The following STARD13 variants were observed in gnomAD, a reference collection of about 807,000 sequenced individuals.
STARD13 encodes stAR-related lipid transfer protein 13.
Under a neutral mutation model 106.4 loss-of-function variants are expected in STARD13, and 62 were observed. That is an observed-to-expected ratio of 0.58 (90% CI 0.48 to 0.72). The LOEUF is 0.72. Among genes scored for constraint, STARD13 ranks in the 30% least tolerant of loss-of-function variants. The pLI is 0.00. For synonymous variants in STARD13, 565 were observed against 553.0 expected (o/e 1.02, Z -0.31); for missense variants, 1,387 against 1,424.0 (o/e 0.97, Z 0.42).
At chr13:33,380,033 A>G in the STARD13 span, among the ~76,000 whole-genome samples, 1 of 152,204 alleles carries the variant, frequency 6.6e-6, no homozygotes, top group Non-Finnish European at 1.5e-5. Flanking sequence ...AAATGCATGC[A>G]AGACAGAGAA....
chr13:33,580,862 A>G, the STARD13 span, among the ~76,000 whole-genome samples: 1 of 152,160 alleles, frequency 6.6e-6, no homozygotes, highest in East Asian at 1.9e-4. Context: ...TATCTCTCCC[A>G]GGAAAATACA....
chr13:33,252,219 C>T (rs1890125663), intron 1 of STARD13, among the ~76,000 whole-genome samples: 1 of 152,196 alleles, frequency 6.6e-6, no homozygotes, highest in Non-Finnish European at 1.5e-5. Flanking sequence ...TTGGAACTCC[C>T]TGCCTTTAAT....
At chr13:33,455,236 A>T in the STARD13 span, among the ~76,000 whole-genome samples, 2 of 152,226 alleles carry the variant, frequency 1.3e-5, no homozygotes, top group African/African-American at 4.8e-5. Flanking sequence ...TCAGACTCTG[A>T]ACAGGATGCA....
the STARD13 span, among the ~76,000 whole-genome samples, chr13:33,364,111 G>GT: frequency 6.6e-6 from 1 of 151,906 alleles, no homozygotes; most frequent in South Asian, 2.1e-4. Context: ...ATTACTTAAG[G>GT]TTCCCCCCCA....
chr13:33,205,952 T>G (rs1214384347), intron 1 of STARD13: 1 of 985,334 alleles, frequency 1.0e-6, no homozygotes, highest in African/African-American at 1.7e-5. Flanking sequence ...GAGTGTTTTC[T>G]CTTCGTTATC....
chr13:33,133,111 A>G (rs1878553886), intron 4 of STARD13, among the ~76,000 whole-genome samples: 1 of 152,246 alleles, frequency 6.6e-6, no homozygotes, highest in Non-Finnish European at 1.5e-5. Flanking sequence ...ATTTTAAAAC[A>G]GAAACTACAA....
At chr13:33,580,667 A>G in the STARD13 span, among the ~76,000 whole-genome samples, 1 of 152,276 alleles carries the variant, frequency 6.6e-6, no homozygotes, top group Admixed American at 6.5e-5. Context: ...AGAAGGGTAT[A>G]TAGGAACTCT....
At chr13:33,112,628 T>G in intron 9 of STARD13, 93 bp downstream of exon 9, 1 of 1,014,420 alleles carries the variant, frequency 9.9e-7, no homozygotes, top group Non-Finnish European at 1.5e-6. Flanking sequence ...TATCCATTCG[T>G]ATCTATCTAT....
intron 1 of STARD13, among the ~76,000 whole-genome samples, chr13:33,190,832 C>T (rs765809362): frequency 6.6e-6 from 1 of 151,906 alleles, no homozygotes; most frequent in Admixed American, 6.5e-5. Context: ...GATCCACCGG[C>T]CTTGGCCTCC....
chr13:33,208,117 T>G (rs1887519608), intron 1 of STARD13, among the ~76,000 whole-genome samples: 1 of 152,186 alleles, frequency 6.6e-6, no homozygotes. Context: ...TGCAAGACAT[T>G]CCGTGCTAGC....
At chr13:33,566,763 G>T in the STARD13 span, among the ~76,000 whole-genome samples, 1 of 147,882 alleles carries the variant, frequency 6.8e-6, no homozygotes. Context: ...GCAGTATGGG[G>T]ATCACTGCTC....
chr13:33,502,685 G>A, the STARD13 span, among the ~76,000 whole-genome samples: 572 of 152,230 alleles, frequency 3.8e-3, no homozygotes, highest in African/African-American at 0.011. Flanking sequence ...GATGGATTAC[G>A]TTTATTGATT....
chr13:33,134,706 C>G (rs1339101998), intron 4 of STARD13, among the ~76,000 whole-genome samples: 1 of 152,098 alleles, frequency 6.6e-6, no homozygotes, highest in East Asian at 1.9e-4. Context: ...GTAGATGAAA[C>G]TAGTTATTGT....
At chr13:33,515,815 G>C in the STARD13 span, among the ~76,000 whole-genome samples, 1 of 152,108 alleles carries the variant, frequency 6.6e-6, no homozygotes, top group Non-Finnish European at 1.5e-5. Context: ...AGGCTGTAGA[G>C]ATGGGTAGTA....
At chr13:33,247,690 T>TATTAGATA (rs1889897832) in intron 1 of STARD13, among the ~76,000 whole-genome samples, 1 of 152,178 alleles carries the variant, frequency 6.6e-6, no homozygotes, top group African/African-American at 2.4e-5. Flanking sequence ...GATATCCCAG[T>TATTAGATA]TATATATGTA....
At chr13:33,318,493 T>C (rs933026537) in intron 1 of STARD13, among the ~76,000 whole-genome samples, 5 of 152,134 alleles carry the variant, frequency 3.3e-5, no homozygotes, top group African/African-American at 1.2e-4. Flanking sequence ...GAAGAAAACA[T>C]TCATGACCTT....
chr13:33,133,653 C>CAAAAAA (rs35731008), intron 4 of STARD13, among the ~76,000 whole-genome samples: 1 of 147,862 alleles, frequency 6.8e-6, no homozygotes, highest in Non-Finnish European at 1.5e-5. Flanking sequence ...TATACTAAAG[C>CAAAAAA]AAAAAAAAAA....
chr13:33,642,340 A>G, the STARD13 span, among the ~76,000 whole-genome samples: 11 of 152,268 alleles, frequency 7.2e-5, no homozygotes, highest in Non-Finnish European at 1.2e-4. Context: ...TCAGCAGCCA[A>G]TTTAAGAAAG....
At chr13:33,537,349 C>T in the STARD13 span, among the ~76,000 whole-genome samples, 1 of 152,226 alleles carries the variant, frequency 6.6e-6, no homozygotes, top group African/African-American at 2.4e-5. Context: ...CTAACATTCC[C>T]CCTTGAAGTT....
Sources: gnomAD v4.1 joint callset for allele counts (sites outside exome capture counted in the v4.1 genomes callset) on GRCh38, gnomAD v4.1.1 for gene constraint, MANE v1.5 for transcripts, NCBI Gene and HGNC (gene_info 2026-07-23, HGNC 2026-07-21) for gene names.